TNR: variants seen among roughly 807,000 people sequenced by gnomAD.
The protein encoded by TNR is tenascin-R.
TNR carries 45 observed loss-of-function variants against 150.4 expected under a neutral mutation model. That is an observed-to-expected ratio of 0.30 (90% CI 0.24 to 0.38). The LOEUF (loss-of-function observed/expected upper bound fraction) is 0.38. Among genes scored for constraint, TNR ranks in the 10% least tolerant of loss-of-function variants. The pLI is 1.00. For missense variants in TNR, 1,544 were observed against 1,759.1 expected (o/e 0.88, Z 2.19); for synonymous variants, 687 against 678.4 (o/e 1.01, Z -0.20).
Position 175,359,794 on chromosome 1 carries a change from G to T in TNR, c.2855-63C>A. ...GCTGCAGGATAGAAATGCAGGGAAT[G>T]ATCTCAGAAGTTCCACTCATGGTGC... On this transcript the variant is annotated intron_variant, in intron 14 of 22. Transcript: ENST00000367674. 2 of 1,541,680 alleles carry T rather than the reference G, an allele frequency of 1.3e-6. 1 individual carries two copies. The highest frequency in any genetic ancestry group is 4.0e-4 in the Middle Eastern group (2 of 5,062).
At chr1:175,487,052 T>A (rs1658047228) in intron 2 of TNR, among the ~76,000 whole-genome samples, 1 of 152,160 alleles carries the variant, frequency 6.6e-6, no homozygotes, top group South Asian at 2.1e-4. Context: ...GATTGCGAAA[T>A]TTTTCTCCCA....
At position 175,529,699 on chromosome 1, in the gene TNR, A is replaced by G. The variant is rs907441267; in HGVS notation, c.-164-1330T>C. Among the ~76,000 whole-genome samples, 4 of 152,340 alleles carry G rather than the reference A, an allele frequency of 2.6e-5. 1 individual carries two copies. In the Middle Eastern group the frequency reaches 0.01, roughly 389 times the overall value. ...ACAGATTGCAGCCTATTTGGGGGGC[A>G]GATAGCTCTGAGACTAGAAAATCTC... On this transcript the variant is annotated intron_variant, in intron 1 of 22. Coordinates refer to ENST00000367674, the MANE Select transcript of TNR (RefSeq NM_003285.3).
chr1:175,512,775 C>T (rs1659244810), intron 2 of TNR, among the ~76,000 whole-genome samples: 2 of 152,182 alleles, frequency 1.3e-5, no homozygotes, highest in South Asian at 2.1e-4. Flanking sequence ...TTCCTGGAAA[C>T]GCATTAGTTC....
chr1:175,670,934 G>A (rs1474324987), intron 1 of TNR, among the ~76,000 whole-genome samples: 2 of 152,174 alleles, frequency 1.3e-5, no homozygotes, highest in African/African-American at 2.4e-5. Flanking sequence ...AGATCACTCT[G>A]AGAGTGCTCT....
chr1:175,625,399 G>T (rs572523362), intron 1 of TNR, among the ~76,000 whole-genome samples: 1 of 152,330 alleles, frequency 6.6e-6, no homozygotes, highest in South Asian at 2.1e-4. Context: ...AGTGGTGTTG[G>T]CTCGCTGGCA....
chr1:175,620,990 G>A (rs1193752387), intron 1 of TNR, among the ~76,000 whole-genome samples: 3 of 152,158 alleles, frequency 2.0e-5, no homozygotes, highest in African/African-American at 7.2e-5. Flanking sequence ...TGCCTCCATT[G>A]CCATGTCCTG....
rs186658210 is a variant in TNR, at chr1:175,382,784, T to C, written c.1778-3047A>G. Among the ~76,000 whole-genome samples, 556 of 151,852 alleles carry C rather than the reference T, an allele frequency of 3.7e-3. 4 individuals are homozygous for C. The highest frequency in any genetic ancestry group is 0.011 in the African/African-American group (470 of 41,408). Reference sequence around the variant, plus strand: ...GCATGGTGGCAGGTGCCTGTAGTCCTAGCTACTTGGGAGGCTTGAGGCAGG... The same window carrying C: ...GCATGGTGGCAGGTGCCTGTAGTCCCAGCTACTTGGGAGGCTTGAGGCAGG... On this transcript the variant is annotated intron_variant, in intron 8 of 22. Coordinates refer to ENST00000367674, the MANE Select transcript of TNR (RefSeq NM_003285.3).
At chr1:175,611,483 C>T (rs954861320) in intron 1 of TNR, among the ~76,000 whole-genome samples, 7 of 152,012 alleles carry the variant, frequency 4.6e-5, no homozygotes, top group African/African-American at 1.7e-4. Flanking sequence ...CAGGCACTCG[C>T]CACCATGCCT....
At chr1:175,369,515 A>T (rs1009398841) in intron 9 of TNR, among the ~76,000 whole-genome samples, 1 of 152,190 alleles carries the variant, frequency 6.6e-6, no homozygotes, top group African/African-American at 2.4e-5. Context: ...GTATGACCTC[A>T]TCTTAACTCT....
chr1:175,547,885 C>G (rs570327551), intron 1 of TNR, among the ~76,000 whole-genome samples: 1 of 152,160 alleles, frequency 6.6e-6, no homozygotes, highest in African/African-American at 2.4e-5. Flanking sequence ...GAATGCAATG[C>G]TCAGAAATTT....
chr1:175,481,257 A>G (rs1272522365), intron 2 of TNR, among the ~76,000 whole-genome samples: 2 of 152,246 alleles, frequency 1.3e-5, no homozygotes, highest in African/African-American at 4.8e-5. Flanking sequence ...TGAATGAATG[A>G]ATGTGAATTA....
intron 1 of TNR, among the ~76,000 whole-genome samples, chr1:175,542,209 A>G (rs764396989): frequency 2.0e-5 from 3 of 152,178 alleles, no homozygotes; most frequent in Non-Finnish European, 2.9e-5. Context: ...TTCCAACCCG[A>G]ATGCAGGCCC....
chr1:175,562,084 T>G (rs1160869748), intron 1 of TNR, among the ~76,000 whole-genome samples: 1 of 152,212 alleles, frequency 6.6e-6, no homozygotes, highest in African/African-American at 2.4e-5. Context: ...GTAAATCTCC[T>G]TGGCAAAAGA....
At chr1:175,713,481 A>G (rs1238649215) in intron 1 of TNR, among the ~76,000 whole-genome samples, 1 of 152,138 alleles carries the variant, frequency 6.6e-6, no homozygotes, top group Non-Finnish European at 1.5e-5. Flanking sequence ...AACTTATAAC[A>G]AGTAACAGCC....
intron 7 of TNR, among the ~76,000 whole-genome samples, chr1:175,389,692 C>A (rs576800025): frequency 6.6e-6 from 1 of 152,162 alleles, no homozygotes; most frequent in Non-Finnish European, 1.5e-5. Context: ...TCTTGTTAAC[C>A]TGTCTTTTGT....
At chr1:175,359,504 T>C (rs1466748031) in intron 15 of TNR, 108 bp downstream of exon 15, 2 of 1,569,284 alleles carry the variant, frequency 1.3e-6, no homozygotes, top group East Asian at 2.3e-5. Flanking sequence ...ACTTTTCTAA[T>C]CTGTCCTTCA....
At chr1:175,535,447 TTTGTTGTTGTTGTTG>T (rs138597544) in intron 1 of TNR, among the ~76,000 whole-genome samples, 17 of 148,070 alleles carry the variant, frequency 1.1e-4, no homozygotes, top group Admixed American at 9.3e-4. Flanking sequence ...TTATTTATTT[TTTGTTGTTGTTGTTG>T]TTGTTGTTGT....
chr1:175,682,661 G>T (rs1463884250), intron 1 of TNR, among the ~76,000 whole-genome samples: 1 of 152,192 alleles, frequency 6.6e-6, no homozygotes. Context: ...CTTCTGAAAG[G>T]TGCCTGCCCT....
intron 1 of TNR, among the ~76,000 whole-genome samples, chr1:175,547,655 GAAGAAAGA>G (rs796945836): frequency 7.6e-5 from 11 of 144,398 alleles, no homozygotes; most frequent in South Asian, 4.4e-4. Flanking sequence ...AAGAAAGGAA[GAAGAAAGA>G]AAGAAAGAAA....
Sources: allele counts gnomAD v4.1 joint callset (sites outside exome capture counted in the v4.1 genomes callset), GRCh38; gene constraint gnomAD v4.1.1; transcripts MANE v1.5; gene names NCBI Gene and HGNC (gene_info 2026-07-23, HGNC 2026-07-21).